GRIA1: variants seen among roughly 807,000 people sequenced by gnomAD.
GRIA1 encodes glutamate receptor 1.
In GRIA1, 31 loss-of-function variants were observed where a neutral mutation model predicts 99.2. That is an observed-to-expected ratio of 0.31 (90% CI 0.23 to 0.42). The LOEUF is 0.42. Among genes scored for constraint, GRIA1 ranks in the 10% least tolerant of loss-of-function variants. GRIA1 has a pLI of 1.00. For missense variants in GRIA1, 782 were observed against 1,157.5 expected (o/e 0.68, Z 4.71); for synonymous variants, 438 against 432.4 (o/e 1.01, Z -0.16).
chr5:153,808,022 A>G (rs555805252), intron 15 of GRIA1, among the ~76,000 whole-genome samples: 26 of 152,356 alleles, frequency 1.7e-4, no homozygotes, highest in African/African-American at 5.8e-4. Context: ...AGCATCCTCC[A>G]CAGCAGGTGG....
At chr5:153,800,382 A>G (rs1036285327) in intron 14 of GRIA1, among the ~76,000 whole-genome samples, 3 of 152,240 alleles carry the variant, frequency 2.0e-5, no homozygotes, top group African/African-American at 4.8e-5. Context: ...ACAAACAGGG[A>G]GACATTTTGA....
chr5:153,599,600 TATTA>T (rs1325417176), intron 2 of GRIA1, among the ~76,000 whole-genome samples: 1 of 151,864 alleles, frequency 6.6e-6, no homozygotes, highest in Non-Finnish European at 1.5e-5. Flanking sequence ...TGCCACACTT[TATTA>T]TTTTGATTGT....
chr5:153,535,260 G>A (rs938755686), intron 2 of GRIA1, among the ~76,000 whole-genome samples: 2 of 152,142 alleles, frequency 1.3e-5, no homozygotes, highest in Non-Finnish European at 2.9e-5. Flanking sequence ...AGGATAAGGT[G>A]GGTAAATAGA....
At chr5:153,779,331 CCA>C (rs375466411) in intron 13 of GRIA1, among the ~76,000 whole-genome samples, 5 of 152,160 alleles carry the variant, frequency 3.3e-5, no homozygotes, top group African/African-American at 9.7e-5. Context: ...TTTCCACAGC[CCA>C]CCTTTGTGCT....
At chr5:153,515,646 G>T (rs1426605066) in intron 2 of GRIA1, among the ~76,000 whole-genome samples, 1 of 152,196 alleles carries the variant, frequency 6.6e-6, no homozygotes, top group Non-Finnish European at 1.5e-5. Context: ...ACAAGTATGT[G>T]AGGTTATGAA....
At chr5:153,525,764 C>T (rs1340866037) in intron 2 of GRIA1, among the ~76,000 whole-genome samples, 2 of 152,206 alleles carry the variant, frequency 1.3e-5, no homozygotes, top group Non-Finnish European at 2.9e-5. Flanking sequence ...ACAACCCTCT[C>T]TCCTGATTCA....
At chr5:153,512,811 T>C (rs1364148111) in intron 2 of GRIA1, among the ~76,000 whole-genome samples, 1 of 152,224 alleles carries the variant, frequency 6.6e-6, no homozygotes, top group Non-Finnish European at 1.5e-5. Context: ...ATGGATTTAA[T>C]TGTGCCCTCC....
intron 2 of GRIA1, among the ~76,000 whole-genome samples, chr5:153,581,431 C>G (rs1561661010): frequency 6.6e-6 from 1 of 152,152 alleles, no homozygotes; most frequent in African/African-American, 2.4e-5. Flanking sequence ...TGTGCTTGAG[C>G]CACACTGGTC....
At chr5:153,695,134 A>T (rs936570461) in intron 8 of GRIA1, among the ~76,000 whole-genome samples, 2 of 152,280 alleles carry the variant, frequency 1.3e-5, no homozygotes, top group East Asian at 3.9e-4. Flanking sequence ...TCTACTATAT[A>T]ACCTATTGTT....
chr5:153,657,705 C>T (rs1011158299), intron 5 of GRIA1, among the ~76,000 whole-genome samples: 4 of 152,162 alleles, frequency 2.6e-5, no homozygotes, highest in Admixed American at 2.6e-4. Flanking sequence ...TAGATCCCTG[C>T]CTTACTCTTC....
Position 153,785,488 on chromosome 5 carries a change from C to CA in GRIA1, c.2271-9125dup, listed in dbSNP as rs545248638. 2.1e-4 allele frequency among the ~76,000 whole-genome samples: 32 copies of CA among 151,268 alleles called. 1 individual carries two copies. The highest frequency in any genetic ancestry group is 7.9e-4 in the Admixed American group (12 of 15,236). On this transcript the variant is annotated intron_variant, in intron 13 of 15. Coordinates refer to ENST00000285900, the MANE Select transcript of GRIA1 (RefSeq NM_000827.4). Reference sequence around the variant, plus strand: ...TATTGCCAGGAAAAGACAAAGGAAACAAAAAAAATTACCGTCTCTTATTAA... The same window carrying CA: ...TATTGCCAGGAAAAGACAAAGGAAACAAAAAAAAATTACCGTCTCTTATTAA...
chr5:153,686,145 A>T, intron 7 of GRIA1, 80 bp from the exon 8 acceptor site: 1 of 1,035,358 alleles, frequency 9.7e-7, no homozygotes. Flanking sequence ...TTGGGTTCTG[A>T]ATTTCTACTT....
At chr5:153,572,781 G>T (rs1327021605) in intron 2 of GRIA1, among the ~76,000 whole-genome samples, 1 of 152,230 alleles carries the variant, frequency 6.6e-6, no homozygotes, top group African/African-American at 2.4e-5. Context: ...GAGCTTTGAA[G>T]AGGCTGCTTC....
chr5:153,577,343 C>T lies in GRIA1; in HGVS notation c.221-69585C>T, dbSNP rs147569951. On this transcript the variant is annotated intron_variant, in intron 2 of 15. Coordinates refer to ENST00000285900, the MANE Select transcript of GRIA1 (RefSeq NM_000827.4). ...AGGCATGCCCTGCAATCATTTATCT[C>T]TGGGATGCCCTGGAGCCTGTCAAAT... Among the ~76,000 whole-genome samples, 247 of 152,320 alleles carry T rather than the reference C, an allele frequency of 1.6e-3. 2 individuals are homozygous for T. In the East Asian group the frequency reaches 0.031, roughly 19 times the overall value.
intron 7 of GRIA1, among the ~76,000 whole-genome samples, chr5:153,680,291 C>T (rs1756881982): frequency 6.6e-6 from 1 of 152,014 alleles, no homozygotes; most frequent in Non-Finnish European, 1.5e-5. Context: ...TGCCTGCCTG[C>T]CCCCTGCTTG....
chr5:153,680,901 G>A (rs767232564), intron 7 of GRIA1, among the ~76,000 whole-genome samples: 11 of 152,148 alleles, frequency 7.2e-5, no homozygotes, highest in Non-Finnish European at 1.0e-4. Context: ...TCATCCAAAC[G>A]GGAACACTTA....
chr5:153,627,254 G>C (rs1767717790), intron 2 of GRIA1, among the ~76,000 whole-genome samples: 1 of 152,192 alleles, frequency 6.6e-6, no homozygotes, highest in South Asian at 2.1e-4. Flanking sequence ...ACATGCATTT[G>C]ATTCTCAGAG....
rs143328742 is a variant in GRIA1, at chr5:153,736,175, T to A, written c.1824-28259T>A. Among the ~76,000 whole-genome samples the A allele has an allele frequency of 8.5e-3, 1,296 of 152,312 alleles. 7 individuals carry two copies. Among genetic ancestry groups the A allele is most frequent in the South Asian group, 0.014 (67 of 4,830 alleles). ...ACTGAGAAGGAGCAGCCAGTGAGGTTACAAAAACACAGGAAAGTCTGGAGT... is the reference window on the plus strand; with the variant it reads ...ACTGAGAAGGAGCAGCCAGTGAGGTAACAAAAACACAGGAAAGTCTGGAGT... On this transcript the variant is annotated intron_variant, in intron 11 of 15. Transcript: ENST00000285900.
chr5:153,665,075 A>G (rs1000434993), intron 5 of GRIA1, among the ~76,000 whole-genome samples: 1 of 152,210 alleles, frequency 6.6e-6, no homozygotes, highest in East Asian at 1.9e-4. Flanking sequence ...CCTGACCACA[A>G]CAGTTGGGGC....
Sources: allele counts gnomAD v4.1 joint callset (sites outside exome capture counted in the v4.1 genomes callset), GRCh38; gene constraint gnomAD v4.1.1; transcripts MANE v1.5; gene names NCBI Gene and HGNC (gene_info 2026-07-23, HGNC 2026-07-21).